The following KCNH8 variants were observed in gnomAD, a reference collection of about 807,000 sequenced individuals.
KCNH8 encodes the protein potassium voltage-gated channel subfamily H member 8, also known as voltage-gated delayed rectifier potassium channel KCNH8.
Under a neutral mutation model 103.6 loss-of-function variants are expected in KCNH8, and 70 were observed. The ratio of observed to expected loss-of-function variants is 0.68; its 90% CI spans 0.56 to 0.82. The LOEUF (loss-of-function observed/expected upper bound fraction) is 0.82, where lower values mean the gene tolerates loss of function less well. Ranked by LOEUF, KCNH8 falls within the 40% of genes least tolerant of loss-of-function variation. KCNH8 has a pLI of 0.00. For missense variants in KCNH8, 1,217 were observed against 1,329.9 expected (o/e 0.92, Z 1.32); for synonymous variants, 498 against 489.4 (o/e 1.02, Z -0.23).
intron 1 of KCNH8, among the ~76,000 whole-genome samples, chr3:19,180,857 A>T (rs996968373): frequency 6.6e-6 from 1 of 152,182 alleles, no homozygotes; most frequent in Non-Finnish European, 1.5e-5. Flanking sequence ...ACTTCTGCTC[A>T]CAAGTAATTG....
At chr3:19,318,656 TGTGTGTAC>T (rs988284422) in intron 3 of KCNH8, among the ~76,000 whole-genome samples, 1 of 98,506 alleles carries the variant, frequency 1.0e-5, no homozygotes, top group Non-Finnish European at 2.1e-5. Flanking sequence ...TGTGTGTGTG[TGTGTGTAC>T]ACACACACAC....
At chr3:19,319,354 A>G (rs1381329789) in intron 3 of KCNH8, among the ~76,000 whole-genome samples, 5 of 151,926 alleles carry the variant, frequency 3.3e-5, no homozygotes, top group Admixed American at 3.3e-4. Flanking sequence ...AGGTAACAGA[A>G]GAGCATCCAG....
intron 3 of KCNH8, chr3:19,314,761 A>G (rs1272850714): frequency 1.9e-5 from 3 of 154,250 alleles, no homozygotes; most frequent in Admixed American, 6.6e-5. Context: ...TAGGCAATTA[A>G]TAAGTGATTT....
rs377327639 is a variant in KCNH8 at position 19,346,443 on chromosome 3, C to A, written c.571-1282C>A. Among the ~76,000 whole-genome samples the A allele has an allele frequency of 3.3e-5, 5 of 152,054 alleles. No homozygotes were observed. In the East Asian group the frequency reaches 5.8e-4, roughly 18 times the overall value. ...CATCTGGAAGTAGTTTAACAGTGAC[C>A]CACCACGAAGTACTGACATTATGAG... On this transcript the variant is annotated intron_variant, in intron 4 of 15. Transcript: ENST00000328405.
chr3:19,319,812 T>C (rs1358887371), intron 3 of KCNH8, among the ~76,000 whole-genome samples: 1 of 152,104 alleles, frequency 6.6e-6, no homozygotes, highest in Non-Finnish European at 1.5e-5. Context: ...GGGATATGTT[T>C]CCGTTTGTGT....
intron 15 of KCNH8, among the ~76,000 whole-genome samples, chr3:19,523,227 G>A (rs945897517): frequency 1.3e-5 from 2 of 151,774 alleles, no homozygotes; most frequent in African/African-American, 4.8e-5. Context: ...TGGATAATAG[G>A]TCAGTCATGT....
At chr3:19,483,399 G>T (rs980483990) in intron 11 of KCNH8, among the ~76,000 whole-genome samples, 2 of 152,024 alleles carry the variant, frequency 1.3e-5, no homozygotes, top group African/African-American at 4.8e-5. Context: ...CAGGGTGAGT[G>T]GATTTTTTTT....
At chr3:19,304,837 A>T (rs1196111985) in intron 3 of KCNH8, among the ~76,000 whole-genome samples, 2 of 152,098 alleles carry the variant, frequency 1.3e-5, no homozygotes, top group Non-Finnish European at 2.9e-5. Context: ...AGTTTTAAAA[A>T]TTTATTTTAT....
intron 3 of KCNH8, among the ~76,000 whole-genome samples, chr3:19,320,378 G>A (rs1457480738): frequency 1.3e-5 from 2 of 151,894 alleles, no homozygotes; most frequent in African/African-American, 4.8e-5. Flanking sequence ...AGGGATGCTG[G>A]ATTTTGTTGA....
At chr3:19,461,621 A>G (rs977296130) in intron 11 of KCNH8, among the ~76,000 whole-genome samples, 1 of 152,158 alleles carries the variant, frequency 6.6e-6, no homozygotes, top group African/African-American at 2.4e-5. Context: ...TAACTTATCT[A>G]TACATCCTTA....
chr3:19,260,001 G>A (rs2064408328), intron 2 of KCNH8, among the ~76,000 whole-genome samples: 2 of 151,536 alleles, frequency 1.3e-5, no homozygotes, highest in Admixed American at 6.6e-5. Context: ...CATTGGGATG[G>A]GTAGAGGAAA....
chr3:19,275,194 C>G (rs1202243139), intron 2 of KCNH8, among the ~76,000 whole-genome samples: 2 of 151,672 alleles, frequency 1.3e-5, no homozygotes, highest in African/African-American at 2.4e-5. Flanking sequence ...TACAATCCAC[C>G]ATTGTGGATT....
At chr3:19,224,086 A>C (rs2063903626) in intron 1 of KCNH8, among the ~76,000 whole-genome samples, 1 of 152,176 alleles carries the variant, frequency 6.6e-6, no homozygotes, top group Non-Finnish European at 1.5e-5. Flanking sequence ...GACAGAGCCA[A>C]GATTTCTGTT....
chr3:19,411,796 C>G (rs1268271312), intron 7 of KCNH8, among the ~76,000 whole-genome samples: 6 of 151,278 alleles, frequency 4.0e-5, no homozygotes, highest in South Asian at 2.1e-4. Flanking sequence ...CACACACACA[C>G]AGACTACGAA....
chr3:19,354,456 T>C (rs9873793), intron 5 of KCNH8, among the ~76,000 whole-genome samples: 36,563 of 151,636 alleles, frequency 0.24, 4,546 homozygotes, highest in East Asian at 0.32. Flanking sequence ...AAGCTGGAGG[T>C]ATCACGCTAC....
intron 11 of KCNH8, among the ~76,000 whole-genome samples, chr3:19,469,414 G>GT (rs1257758431): frequency 6.6e-5 from 10 of 151,902 alleles, no homozygotes; most frequent in East Asian, 5.8e-4. Context: ...GATCCAGTAT[G>GT]TTTTTTTTGT....
intron 12 of KCNH8, among the ~76,000 whole-genome samples, chr3:19,511,396 T>C (rs2068781126): frequency 6.6e-6 from 1 of 152,154 alleles, no homozygotes; most frequent in Non-Finnish European, 1.5e-5. Context: ...GACAGGTTAT[T>C]AGAGAATTCA....
intron 1 of KCNH8, among the ~76,000 whole-genome samples, chr3:19,193,394 C>T (rs1378789803): frequency 6.6e-6 from 1 of 151,558 alleles, no homozygotes; most frequent in Admixed American, 6.6e-5. Flanking sequence ...CCTTTTCTCC[C>T]TGCTTCTCTT....
chr3:19,164,278 G>A (rs558976736), intron 1 of KCNH8, among the ~76,000 whole-genome samples: 1 of 152,232 alleles, frequency 6.6e-6, no homozygotes, highest in East Asian at 1.9e-4. Flanking sequence ...AACAGGAGAA[G>A]GCTTGGCTGT....
Sources: allele counts gnomAD v4.1 joint callset (sites outside exome capture counted in the v4.1 genomes callset), GRCh38; gene constraint gnomAD v4.1.1; transcripts MANE v1.5; gene names NCBI Gene and HGNC (gene_info 2026-07-23, HGNC 2026-07-21).